Variants in AMBRA1 observed in about 807,000 individuals in gnomAD.
AMBRA1 encodes the protein autophagy and beclin 1 regulator 1, also known as activating molecule in BECN1-regulated autophagy protein 1.
In AMBRA1, 47 loss-of-function variants were observed where a neutral mutation model predicts 125.4. The ratio of observed to expected loss-of-function variants is 0.37; its 90% CI spans 0.30 to 0.48. The LOEUF (loss-of-function observed/expected upper bound fraction) is 0.48, where lower values mean the gene tolerates loss of function less well. Ranked by LOEUF, AMBRA1 falls within the 20% of genes least tolerant of loss-of-function variation. The pLI, the probability that AMBRA1 is intolerant of heterozygous loss-of-function variation, is 0.99. For missense variants in AMBRA1, 1,331 were observed against 1,693.4 expected (o/e 0.79, Z 3.76); for synonymous variants, 626 against 655.5 (o/e 0.95, Z 0.69).
intron 9 of AMBRA1, among the ~76,000 whole-genome samples, chr11:46,507,428 G>C (rs1218217080): frequency 1.3e-5 from 2 of 149,736 alleles, no homozygotes; most frequent in African/African-American, 2.5e-5. Context: ...GCAGTGAGCC[G>C]AGATAGCGCC....
chr11:46,516,728 C>T (rs777135444), intron 7 of AMBRA1, among the ~76,000 whole-genome samples: 18 of 151,996 alleles, frequency 1.2e-4, no homozygotes, highest in African/African-American at 2.7e-4. Flanking sequence ...CCACTGCGCC[C>T]GGCCAAAAGA....
intron 5 of AMBRA1, among the ~76,000 whole-genome samples, chr11:46,545,161 C>CGGG (rs59510298): frequency 8.9e-5 from 3 of 33,750 alleles, no homozygotes; most frequent in African/African-American, 1.1e-4. Context: ...AAAAAAAAGC[C>CGGG]GGGGGGGGGG....
rs529562752 is a variant in AMBRA1 at position 46,565,554 on chromosome 11, A to T, written c.-120-17054T>A. Among the ~76,000 whole-genome samples the T allele has an allele frequency of 8.5e-5, 13 of 152,176 alleles. No homozygotes were observed. The South Asian group carries it at 2.1e-3, about 24-fold the overall frequency. On this transcript the variant is annotated intron_variant, in intron 1 of 17. Coordinates refer to ENST00000683756, the MANE Select transcript of AMBRA1 (RefSeq NM_001387011.1). ...AAACCCTGTCTCTACATAAACCAAA[A>T]AAATTAGCCGGGTGTGGTGGCATGT...
At chr11:46,408,099 A>C (rs898165600) in intron 17 of AMBRA1, among the ~76,000 whole-genome samples, 8 of 152,124 alleles carry the variant, frequency 5.3e-5, no homozygotes, top group Admixed American at 3.3e-4. Flanking sequence ...GGATTGTGAG[A>C]GGTCCTCCCA....
intron 1 of AMBRA1, among the ~76,000 whole-genome samples, chr11:46,574,583 T>C (rs1389273227): frequency 6.6e-6 from 1 of 152,102 alleles, no homozygotes; most frequent in Non-Finnish European, 1.5e-5. Flanking sequence ...GTCAGATGAG[T>C]AGGTTGCGAA....
intron 15 of AMBRA1, among the ~76,000 whole-genome samples, chr11:46,412,637 T>C (rs574962724): frequency 2.0e-5 from 3 of 152,280 alleles, no homozygotes; most frequent in Non-Finnish European, 4.4e-5. Context: ...AAAATGTTTT[T>C]GATTTATGGT....
At chr11:46,448,260 T>C (rs904199027) in intron 11 of AMBRA1, among the ~76,000 whole-genome samples, 1 of 152,196 alleles carries the variant, frequency 6.6e-6, no homozygotes, top group Non-Finnish European at 1.5e-5. Flanking sequence ...ATATTACACT[T>C]GCAGACTACA....
chr11:46,509,287 C>T (rs1476991020), intron 8 of AMBRA1, among the ~76,000 whole-genome samples: 2 of 152,310 alleles, frequency 1.3e-5, no homozygotes, highest in East Asian at 1.9e-4. Context: ...CTCAAGTTTT[C>T]CTCCATCTCT....
chr11:46,545,015 T>C (rs1480765438), intron 5 of AMBRA1, among the ~76,000 whole-genome samples: 1 of 151,812 alleles, frequency 6.6e-6, no homozygotes, highest in Non-Finnish European at 1.5e-5. Flanking sequence ...TAGTCCCAGA[T>C]ACTCATAAGA....
intron 7 of AMBRA1, among the ~76,000 whole-genome samples, chr11:46,522,145 C>G (rs1297236976): frequency 1.3e-5 from 2 of 152,188 alleles, no homozygotes; most frequent in Non-Finnish European, 2.9e-5. Context: ...ACAAAAGTCT[C>G]GTCTGAGAAG....
chr11:46,424,104 C>T (rs1946999590), intron 14 of AMBRA1, among the ~76,000 whole-genome samples: 1 of 152,174 alleles, frequency 6.6e-6, no homozygotes, highest in Admixed American at 6.5e-5. Flanking sequence ...AAACCCAAAT[C>T]ACAGCTTTGT....
At chr11:46,437,043 G>GT (rs1487041793) in intron 12 of AMBRA1, among the ~76,000 whole-genome samples, 16 of 152,122 alleles carry the variant, frequency 1.1e-4, no homozygotes, top group Non-Finnish European at 1.8e-4. Context: ...GATCCAGCTC[G>GT]TGTGTGTTAA....
intron 1 of AMBRA1, among the ~76,000 whole-genome samples, chr11:46,562,459 G>A (rs1018153937): frequency 6.6e-6 from 1 of 152,182 alleles, no homozygotes; most frequent in Non-Finnish European, 1.5e-5. Flanking sequence ...ATTTGGGCCA[G>A]GGTTATAGCA....
chr11:46,518,986 G>A (rs1161397351), intron 7 of AMBRA1, among the ~76,000 whole-genome samples: 2 of 152,104 alleles, frequency 1.3e-5, no homozygotes, highest in East Asian at 3.8e-4. Context: ...AAAGTGGTCG[G>A]AGCAGATCAA....
At chr11:46,462,330 G>T (rs890040850) in intron 11 of AMBRA1, among the ~76,000 whole-genome samples, 3 of 152,166 alleles carry the variant, frequency 2.0e-5, no homozygotes, top group African/African-American at 4.8e-5. Context: ...GGGAAACCAG[G>T]AAATAATCTT....
At position 46,547,222 on chromosome 11, in the gene AMBRA1, G is replaced by A. The variant is rs1458404554; in HGVS notation, c.269C>T (p.Ser90Phe). The part of the protein sequence containing the change: ...TEVKTGKCVH[S>F]LIGHRRTPWC... ...TGGAGTACGGCGGTGTCCAATCAGG[G>A]AATGAACACACTTGCCAGTCTTCAC... is the stretch of plus-strand genomic sequence containing the variant. Residue 90 changes from serine to phenylalanine, a missense_variant, in exon 4 of 18, where the codon TCC (serine) becomes TTC (phenylalanine). By Grantham distance (155) the Ser-to-Phe change is radical. Around this residue, in one of 4 missense-constraint regions of AMBRA1, gnomAD observed 144 missense variants for 250.4 expected, o/e 0.58. Coordinates refer to ENST00000683756, the MANE Select transcript of AMBRA1 (RefSeq NM_001387011.1). 1 of 1,613,998 alleles carries A rather than the reference G, an allele frequency of 6.2e-7. No individual in the cohort carries two copies. The highest frequency in any genetic ancestry group is 8.5e-7 in the Non-Finnish European group (1 of 1,180,030).
At chr11:46,558,012 C>T (rs1426406546) in intron 1 of AMBRA1, among the ~76,000 whole-genome samples, 1 of 152,130 alleles carries the variant, frequency 6.6e-6, no homozygotes, top group Middle Eastern at 3.4e-3. Context: ...AGAGAAGCCA[C>T]GTGGAAGACT....
intron 11 of AMBRA1, among the ~76,000 whole-genome samples, chr11:46,492,033 T>C (rs1045692245): frequency 6.6e-6 from 1 of 152,198 alleles, no homozygotes; most frequent in African/African-American, 2.4e-5. Context: ...CTCTAGAGTA[T>C]TGTCTGGCAG....
intron 1 of AMBRA1, among the ~76,000 whole-genome samples, chr11:46,561,857 A>G (rs2043349085): frequency 1.3e-5 from 2 of 152,340 alleles, no homozygotes; most frequent in Non-Finnish European, 2.9e-5. Context: ...AAATCTGAGT[A>G]GAAGCTGGAT....
Sources: gnomAD v4.1 joint callset for allele counts (sites outside exome capture counted in the v4.1 genomes callset) on GRCh38, gnomAD v4.1.1 for gene constraint, gnomAD v4.1.1 regional missense constraint, MANE v1.5 for transcripts, NCBI Gene and HGNC (gene_info 2026-07-23, HGNC 2026-07-21) for gene names.